NAALADL2: variants seen among roughly 807,000 people sequenced by gnomAD.
The protein encoded by NAALADL2 is inactive N-acetylated-alpha-linked acidic dipeptidase-like protein 2.
A neutral mutation model predicts 87.2 loss-of-function variants in NAALADL2; 76 were observed. The observed-to-expected ratio is 0.87, with a 90% CI of 0.72 to 1.05. NAALADL2 has a LOEUF of 1.05. NAALADL2 is among the 50% of genes least tolerant of loss of function. The pLI is 0.00. For synonymous variants in NAALADL2, 354 were observed against 331.0 expected (o/e 1.07, Z -0.75); for missense variants, 1,089 against 945.8 (o/e 1.15, Z -1.99).
chr3:175,343,864 G>T (rs1411559934), intron 5 of NAALADL2, among the ~76,000 whole-genome samples: 5 of 151,802 alleles, frequency 3.3e-5, no homozygotes, highest in Admixed American at 6.6e-5. Context: ...GCAAATCAAT[G>T]AATGGAAACT....
chr3:174,874,090 T>C (rs1311542525), intron 1 of NAALADL2, among the ~76,000 whole-genome samples: 2 of 151,922 alleles, frequency 1.3e-5, no homozygotes, highest in Non-Finnish European at 2.9e-5. Flanking sequence ...CTGATTACAG[T>C]GGGGTTATAA....
At chr3:175,082,753 C>A (rs1718131627) in intron 1 of NAALADL2, among the ~76,000 whole-genome samples, 1 of 152,158 alleles carries the variant, frequency 6.6e-6, no homozygotes, top group South Asian at 2.1e-4. Context: ...GCTGGAACAG[C>A]ATCTGTTTTT....
chr3:174,577,436 G>A (rs559215113), intron 2 of NAALADL2, among the ~76,000 whole-genome samples: 34 of 152,202 alleles, frequency 2.2e-4, no homozygotes, highest in African/African-American at 7.7e-4. Context: ...ACAGAAACTG[G>A]GGATACTTGC....
chr3:174,534,116 T>C (rs1204890041), intron 1 of NAALADL2, among the ~76,000 whole-genome samples: 4 of 152,172 alleles, frequency 2.6e-5, no homozygotes, highest in Admixed American at 2.0e-4. Flanking sequence ...TACAAAAAAG[T>C]ATTTAAAGGG....
chr3:174,637,951 T>C (rs1390918042), intron 2 of NAALADL2, among the ~76,000 whole-genome samples: 2 of 152,138 alleles, frequency 1.3e-5, no homozygotes, highest in African/African-American at 2.4e-5. Flanking sequence ...ATGGGTAATC[T>C]ATCCTTGCAT....
rs58456254 is a variant in NAALADL2, at chr3:175,456,464, T to TACACACAC, written c.1235-6930_1235-6923dup. Among the ~76,000 whole-genome samples, 172 of 151,620 alleles carry TACACACAC rather than the reference T, an allele frequency of 1.1e-3. 1 individual carries two copies. The East Asian group carries it at 0.029, about 25-fold the overall frequency. On this transcript the variant is annotated intron_variant, in intron 6 of 13. Transcript: ENST00000454872. ...TGGAAATGTAATTTTTAACTACCAA[T>TACACACAC]ACACACACACACACGCAGCAATTTT...
chr3:174,710,471 C>T (rs141440164), intron 2 of NAALADL2, among the ~76,000 whole-genome samples: 4,247 of 152,170 alleles, frequency 0.028, 86 homozygotes, highest in South Asian at 0.051. Context: ...CCAGGCTGGC[C>T]TTGAACTCCA....
At chr3:174,884,838 T>C (rs1423836448) in intron 1 of NAALADL2, among the ~76,000 whole-genome samples, 1 of 152,118 alleles carries the variant, frequency 6.6e-6, no homozygotes, top group African/African-American at 2.4e-5. Context: ...ACTCTCAACC[T>C]CATCTCTAGG....
intron 2 of NAALADL2, among the ~76,000 whole-genome samples, chr3:174,682,587 A>G (rs1463984865): frequency 6.6e-6 from 1 of 152,210 alleles, no homozygotes; most frequent in African/African-American, 2.4e-5. Context: ...AACAGAAGAA[A>G]ACAAGAGTCT....
At chr3:174,748,510 A>G (rs1734502950) in intron 3 of NAALADL2, among the ~76,000 whole-genome samples, 1 of 152,090 alleles carries the variant, frequency 6.6e-6, no homozygotes, top group African/African-American at 2.4e-5. Context: ...GGACCCCAGA[A>G]CTGTAAGGGA....
chr3:174,923,523 A>AT (rs1735547222), intron 1 of NAALADL2, among the ~76,000 whole-genome samples: 2 of 152,154 alleles, frequency 1.3e-5, no homozygotes, highest in Non-Finnish European at 2.9e-5. Context: ...CCACTGATGG[A>AT]TTTTTAAATT....
chr3:174,974,499 C>A (rs889472258), intron 1 of NAALADL2, among the ~76,000 whole-genome samples: 5 of 152,076 alleles, frequency 3.3e-5, no homozygotes, highest in African/African-American at 1.2e-4. Flanking sequence ...CTTTTCATGT[C>A]AACTAAGGAT....
Position 175,810,100 on chromosome 3 carries a change from CGTTGTT to C in NAALADL2, c.*6901_*6906del. 6.7e-6 allele frequency: 1 copy of C among 149,510 alleles called. No homozygotes were observed. The highest frequency in any genetic ancestry group is 1.9e-4 in the East Asian group (1 of 5,166). The allele number at this position is 149,510 out of a possible 1,614,324, so 9.3% of individuals were successfully genotyped here. A position where few individuals can be genotyped will look rare whatever the true frequency, so the allele number is the denominator to read the frequency against. On this transcript the variant is annotated 3_prime_UTR_variant, in exon 14 of 14. Coordinates refer to ENST00000454872, the MANE Select transcript of NAALADL2 (RefSeq NM_207015.3). ...TGTACAGAGATTTCATTGTCATTGT[CGTTGTT>C]GTTAACTGATTTTTAATGATATTGA...
intron 4 of NAALADL2, among the ~76,000 whole-genome samples, chr3:175,315,118 T>C (rs1758970990): frequency 1.3e-5 from 2 of 152,238 alleles, no homozygotes; most frequent in Non-Finnish European, 1.5e-5. Context: ...GGAGCTATAA[T>C]GTAGCTTGAT....
intron 13 of NAALADL2, among the ~76,000 whole-genome samples, chr3:175,756,915 AAT>A (rs1747333691): frequency 1.3e-5 from 2 of 151,582 alleles, no homozygotes; most frequent in South Asian, 4.1e-4. Flanking sequence ...ATACATATAT[AAT>A]ATGTGTATTT....
intron 6 of NAALADL2, among the ~76,000 whole-genome samples, chr3:175,452,390 G>A (rs1295418251): frequency 6.6e-6 from 1 of 151,908 alleles, no homozygotes; most frequent in Non-Finnish European, 1.5e-5. Flanking sequence ...ACAAAACTAA[G>A]TATTTTTTAG....
rs1352606625 is a variant in NAALADL2 at position 175,087,438 on chromosome 3, A to T, written c.44-9352A>T. 2.0e-5 allele frequency among the ~76,000 whole-genome samples: 3 copies of T among 152,244 alleles called. No individual in the cohort carries two copies. The East Asian group carries it at 5.8e-4, about 29-fold the overall frequency. On this transcript the variant is annotated intron_variant, in intron 1 of 13. Coordinates refer to ENST00000454872, the MANE Select transcript of NAALADL2 (RefSeq NM_207015.3). The stretch of plus-strand genomic sequence containing the variant: ...AACGGCTCATTGAGAACGGGCCATG[A>T]TGACGATGGCGGTTTTGTCGAATAG...
At chr3:174,815,461 C>A (rs1459316179) in intron 3 of NAALADL2, among the ~76,000 whole-genome samples, 1 of 152,024 alleles carries the variant, frequency 6.6e-6, no homozygotes, top group Non-Finnish European at 1.5e-5. Context: ...GTCTTGCTGT[C>A]TCACCCAGGC....
intron 9 of NAALADL2, among the ~76,000 whole-genome samples, chr3:175,573,611 G>A (rs575877067): frequency 5.4e-4 from 82 of 152,238 alleles, no homozygotes; most frequent in African/African-American, 1.8e-3. Context: ...AGAGGTGCTC[G>A]GGATTTATAA....
Sources: allele counts gnomAD v4.1 joint callset (sites outside exome capture counted in the v4.1 genomes callset), GRCh38; gene constraint gnomAD v4.1.1; transcripts MANE v1.5; gene names NCBI Gene and HGNC (gene_info 2026-07-23, HGNC 2026-07-21).